Variants in CHRM3 observed in about 807,000 individuals in gnomAD.
CHRM3 encodes cholinergic receptor muscarinic 3.
Under a neutral mutation model 41.8 loss-of-function variants are expected in CHRM3, and 11 were observed. That is an observed-to-expected ratio of 0.26 (90% confidence interval 0.17 to 0.44). CHRM3 has a LOEUF of 0.44. CHRM3 is among the 20% of genes least tolerant of loss of function. The pLI is 1.00. For missense variants in CHRM3, 571 were observed against 745.4 expected (o/e 0.77, Z 2.72); for synonymous variants, 297 against 301.4 (o/e 0.99, Z 0.15).
intron 5 of CHRM3, among the ~76,000 whole-genome samples, chr1:239,684,763 A>G (rs954728223): frequency 1.6e-5 from 2 of 127,160 alleles, no homozygotes; most frequent in Non-Finnish European, 3.8e-5. Flanking sequence ...AGAAAGAAAG[A>G]AAGAAAGAGA....
chr1:239,603,225 G>A (rs1212097190), intron 3 of CHRM3, among the ~76,000 whole-genome samples: 1 of 152,122 alleles, frequency 6.6e-6, no homozygotes, highest in African/African-American at 2.4e-5. Flanking sequence ...TTTTTTGTAA[G>A]TATCATATTT....
intron 5 of CHRM3, among the ~76,000 whole-genome samples, chr1:239,715,289 A>G (rs914722697): frequency 7.2e-5 from 11 of 152,172 alleles, no homozygotes; most frequent in Admixed American, 5.9e-4. Context: ...GACAGAGGGC[A>G]CTATAACTAG....
chr1:239,510,018 G>T (rs967760377), intron 2 of CHRM3, among the ~76,000 whole-genome samples: 1 of 152,188 alleles, frequency 6.6e-6, no homozygotes, highest in Non-Finnish European at 1.5e-5. Flanking sequence ...GAACCTGGGG[G>T]ACGGAGGTTA....
At chr1:239,772,155 C>CT (rs898537386) in intron 5 of CHRM3, among the ~76,000 whole-genome samples, 55 of 151,402 alleles carry the variant, frequency 3.6e-4, no homozygotes, top group Non-Finnish European at 6.0e-4. Context: ...ATATACTTTT[C>CT]TTTTTTTTTC....
intron 3 of CHRM3, among the ~76,000 whole-genome samples, chr1:239,579,915 G>A (rs1290312856): frequency 1.3e-5 from 2 of 152,218 alleles, no homozygotes; most frequent in Admixed American, 6.5e-5. Context: ...TCGAGGCACA[G>A]CAAACTTAAG....
At chr1:239,471,342 T>C (rs78053860) in intron 1 of CHRM3, among the ~76,000 whole-genome samples, 9 of 152,132 alleles carry the variant, frequency 5.9e-5, no homozygotes, top group Admixed American at 3.9e-4. Context: ...CAAGCTGCAA[T>C]TGACAGAGTA....
intron 5 of CHRM3, among the ~76,000 whole-genome samples, chr1:239,791,595 A>G (rs1336594159): frequency 6.6e-6 from 1 of 152,224 alleles, no homozygotes; most frequent in Non-Finnish European, 1.5e-5. Flanking sequence ...AGGCAAGGAT[A>G]CATTTTCCCT....
chr1:239,606,965 C>T (rs1666387431), intron 3 of CHRM3, among the ~76,000 whole-genome samples: 1 of 152,172 alleles, frequency 6.6e-6, no homozygotes, highest in African/African-American at 2.4e-5. Flanking sequence ...AGGATGTGTT[C>T]TGGCTTCTTA....
Position 239,678,622 on chromosome 1 carries a change from T to C in CHRM3, c.-147+334T>C, listed in dbSNP as rs374893168. ...AAATGATGAAATATGACTGATACTCTGGTATGTTATAAGTGTAGTATCTGT... is the reference window on the plus strand; with the variant it reads ...AAATGATGAAATATGACTGATACTCCGGTATGTTATAAGTGTAGTATCTGT... On this transcript the variant is annotated intron_variant, in intron 5 of 6. Coordinates refer to ENST00000676153, the MANE Select transcript of CHRM3 (RefSeq NM_001375978.1). Among the ~76,000 whole-genome samples, 40 of 152,274 alleles carry C rather than the reference T, an allele frequency of 2.6e-4. No homozygotes were observed. In the East Asian group the frequency reaches 6.8e-3, roughly 26 times the overall value.
intron 1 of CHRM3, among the ~76,000 whole-genome samples, chr1:239,450,561 T>C (rs112220495): frequency 9.8e-5 from 15 of 152,326 alleles, no homozygotes; most frequent in African/African-American, 3.4e-4. Flanking sequence ...TGGGGCTGCT[T>C]AAAATATTAT....
chr1:239,683,739 G>A (rs1658801723), intron 5 of CHRM3, among the ~76,000 whole-genome samples: 1 of 152,154 alleles, frequency 6.6e-6, no homozygotes, highest in East Asian at 1.9e-4. Flanking sequence ...AAGTCATCCA[G>A]TCAGGTAATA....
At chr1:239,609,595 A>G (rs1249117073) in intron 3 of CHRM3, among the ~76,000 whole-genome samples, 2 of 152,166 alleles carry the variant, frequency 1.3e-5, no homozygotes, top group Non-Finnish European at 2.9e-5. Context: ...CGGTTATAGC[A>G]TTTTACATTT....
intron 2 of CHRM3, among the ~76,000 whole-genome samples, chr1:239,503,475 C>T (rs367884721): frequency 6.6e-5 from 10 of 152,150 alleles, no homozygotes; most frequent in African/African-American, 2.2e-4. Context: ...GTGAAAGCAA[C>T]CATACTGCCA....
intron 1 of CHRM3, among the ~76,000 whole-genome samples, chr1:239,484,234 C>T (rs975428223): frequency 7.2e-5 from 11 of 152,134 alleles, no homozygotes; most frequent in Non-Finnish European, 1.5e-4. Flanking sequence ...AGAAAGCTCA[C>T]AGTCATGATG....
chr1:239,411,956 T>C (rs1225278193), intron 1 of CHRM3, among the ~76,000 whole-genome samples: 1 of 151,836 alleles, frequency 6.6e-6, no homozygotes, highest in Non-Finnish European at 1.5e-5. Context: ...ATAGCAGGCA[T>C]AGACTACTGT....
chr1:239,530,499 A>T (rs187556240), intron 2 of CHRM3, among the ~76,000 whole-genome samples: 1 of 152,332 alleles, frequency 6.6e-6, no homozygotes, highest in Admixed American at 6.5e-5. Flanking sequence ...CTAATGAAAA[A>T]GAAGCATTCA....
chr1:239,436,177 G>A (rs568647199), intron 1 of CHRM3, among the ~76,000 whole-genome samples: 19 of 152,162 alleles, frequency 1.2e-4, no homozygotes, highest in Non-Finnish European at 2.5e-4. Context: ...TAGCATTATA[G>A]AAGACAGTAA....
chr1:239,681,902 G>T (rs1434285709), intron 5 of CHRM3, among the ~76,000 whole-genome samples: 1 of 152,010 alleles, frequency 6.6e-6, no homozygotes, highest in African/African-American at 2.4e-5. Flanking sequence ...CAAAAAAAAA[G>T]AAAGATGTTA....
intron 6 of CHRM3, among the ~76,000 whole-genome samples, chr1:239,858,188 C>T (rs920181880): frequency 9.2e-5 from 14 of 152,168 alleles, no homozygotes; most frequent in African/African-American, 2.9e-4. Context: ...AGCTCTCCCA[C>T]GCTGGCATCC....
Sources: allele counts gnomAD v4.1 joint callset (sites outside exome capture counted in the v4.1 genomes callset), GRCh38; gene constraint gnomAD v4.1.1; transcripts MANE v1.5; gene names NCBI Gene and HGNC (gene_info 2026-07-23, HGNC 2026-07-21).